DERA: variants seen among roughly 807,000 people sequenced by gnomAD.
DERA encodes the protein deoxyribose-phosphate aldolase, also known as 2-deoxy-D-ribose 5-phosphate aldolase.
A neutral mutation model predicts 41.1 loss-of-function variants in DERA; 15 were observed. The observed-to-expected ratio is 0.37, with a 90% CI of 0.24 to 0.56. The LOEUF (loss-of-function observed/expected upper bound fraction) is 0.56. DERA is among the 20% of genes least tolerant of loss of function. DERA has a pLI of 0.81. For missense variants in DERA, 396 were observed against 403.4 expected (o/e 0.98, Z 0.16); for synonymous variants, 139 against 137.4 (o/e 1.01, Z -0.08).
intron 5 of DERA, among the ~76,000 whole-genome samples, chr12:15,980,537 A>T (rs1017779382): frequency 6.6e-6 from 1 of 150,524 alleles, no homozygotes; most frequent in African/African-American, 2.4e-5. Flanking sequence ...AAAGAATATA[A>T]TTTTTTTTTT....
At position 16,037,184 on chromosome 12, in the gene DERA, A is replaced by AT. The variant is rs1949135017; in HGVS notation, c.*443dup. ...TTCCTGCTGTGAAAACTCATCTTTC[A>AT]TTTTTGCCGTGGATAGGCGCTTTTA... On this transcript the variant is annotated 3_prime_UTR_variant, in exon 9 of 9. Transcript: ENST00000428559. The surrounding 1 kb of genome is among the most constrained non-coding windows in gnomAD (Gnocchi z 6.7). 6.5e-6 allele frequency: 1 copy of AT among 153,256 alleles called. No individual in the cohort carries two copies. The highest frequency in any genetic ancestry group is 1.5e-5 in the Non-Finnish European group (1 of 68,880). The allele number at this position is 153,256 out of a possible 1,614,324, so 9.5% of individuals were successfully genotyped here.
chr12:16,030,130 CG>C (rs1565619329), intron 6 of DERA, among the ~76,000 whole-genome samples: 1 of 149,252 alleles, frequency 6.7e-6, no homozygotes, highest in Non-Finnish European at 1.5e-5. Flanking sequence ...GATGGAGTTT[CG>C]CTATGTTGGC....
rs552448445 is a variant in DERA at position 15,957,324 on chromosome 12, GT to G, written c.129+297del. Among the ~76,000 whole-genome samples the G allele has an allele frequency of 2.6e-5, 4 of 152,136 alleles. No homozygotes were observed. Among genetic ancestry groups the G allele is most frequent in the Non-Finnish European group, 5.9e-5 (4 of 68,006 alleles). On this transcript the variant is annotated intron_variant, in intron 2 of 8. Coordinates refer to ENST00000428559, the MANE Select transcript of DERA (RefSeq NM_015954.4). This position sits in a 1 kb window ranked among gnomAD's most constrained non-coding sequence, Gnocchi z 4.8. The stretch of plus-strand genomic sequence containing the variant: ...CATATTTTCTCAACACATTTATTCA[GT>G]TTTTTAGACATGCCTTCTTTGGTTG...
intron 6 of DERA, among the ~76,000 whole-genome samples, chr12:16,006,509 C>T (rs1311073990): frequency 2.0e-5 from 3 of 152,206 alleles, no homozygotes; most frequent in Non-Finnish European, 4.4e-5. Context: ...ACTCAACTAC[C>T]CTCTCTCCAC....
chr12:15,919,990 G>A (rs569840113), intron 1 of DERA, among the ~76,000 whole-genome samples: 1 of 151,716 alleles, frequency 6.6e-6, no homozygotes, highest in South Asian at 2.1e-4. Context: ...GTGTGTGTGT[G>A]TGTCTGTGTG....
At position 15,936,937 on chromosome 12, in the gene DERA, T is replaced by TCCC. The variant is rs1565588734; in HGVS notation, c.32-19999_32-19998insCCC. 0.024 allele frequency among the ~76,000 whole-genome samples: 3,104 copies of TCCC among 130,318 alleles called. 62 individuals carry two copies. The highest frequency in any genetic ancestry group is 0.035 in the Middle Eastern group (9 of 260). The allele number at this position is 130,318 out of a possible 152,430, so 85.5% of individuals were successfully genotyped here. A position where few individuals can be genotyped will look rare whatever the true frequency, so the allele number is the denominator to read the frequency against. ...TGTCCTGTCCTGTCCTGTCCTGTCTTGTCCTGTCCCGTCCTGTCCTGCCCT... is the reference window on the plus strand; with the variant it reads ...TGTCCTGTCCTGTCCTGTCCTGTCTTCCCGTCCTGTCCCGTCCTGTCCTGCCCT... On this transcript the variant is annotated intron_variant, in intron 1 of 8. Coordinates refer to ENST00000428559, the MANE Select transcript of DERA (RefSeq NM_015954.4). The surrounding 1 kb of genome is among the most constrained non-coding windows in gnomAD (Gnocchi z 4.6).
At chr12:15,961,132 G>A (rs1026985524) in intron 4 of DERA, among the ~76,000 whole-genome samples, 1 of 152,188 alleles carries the variant, frequency 6.6e-6, no homozygotes, top group African/African-American at 2.4e-5. Flanking sequence ...GTGAAATGGA[G>A]TTAGGGGAGA....
chr12:15,966,900 G>A lies in DERA; in HGVS notation c.508+3953G>A, dbSNP rs1239817510. On this transcript the variant is annotated intron_variant, in intron 5 of 8. Transcript: ENST00000428559. This position sits in a 1 kb window ranked among gnomAD's most constrained non-coding sequence, Gnocchi z 5.1. Reference sequence around the variant, plus strand: ...TGGCAAAGACAACCAAACCTCCTGAGCACCAGGACCACCTGGACCCGGGGC... The same window carrying A: ...TGGCAAAGACAACCAAACCTCCTGAACACCAGGACCACCTGGACCCGGGGC... 6.6e-6 allele frequency among the ~76,000 whole-genome samples: 1 copy of A among 152,022 alleles called. No homozygotes were observed. The highest frequency in any genetic ancestry group is 1.5e-5 in the Non-Finnish European group (1 of 68,012).
Position 15,962,813 on chromosome 12 carries a change from T to C in DERA, c.374T>C (p.Val125Ala). The stretch of plus-strand genomic sequence containing the variant: ...TCATTTCCTTTCTTAACTCTATTAG[T>C]GGCCGCTGGATTTCCAGCTGGACAG... ...AAGCNIPVAS[V>A]AAGFPAGQTH... Residue 125 changes from valine (V) to alanine (A), a missense_variant and splice_region_variant, in exon 5 of 9, where the codon GTG (valine) becomes GCG (alanine). Val to Ala is a moderately conservative substitution (Grantham distance 64, BLOSUM62 0). Coordinates refer to ENST00000428559, the MANE Select transcript of DERA (RefSeq NM_015954.4). The C allele has an allele frequency of 6.5e-7, 1 of 1,544,192 alleles. No homozygotes were observed. The highest frequency in any genetic ancestry group is 1.2e-5 in the South Asian group (1 of 82,396).
rs1948700035 is a variant in DERA, at chr12:15,976,729, T to G, written c.509-5579T>G. ...TGATTGATTACCTTCCTAACCGTTT[T>G]AATACTTTTATATTTATTGGCAGAA... On this transcript the variant is annotated intron_variant, in intron 5 of 8. Coordinates refer to ENST00000428559, the MANE Select transcript of DERA (RefSeq NM_015954.4). This position sits in a 1 kb window ranked among gnomAD's most constrained non-coding sequence, Gnocchi z 4.1. Among the ~76,000 whole-genome samples the G allele has an allele frequency of 6.6e-6, 1 of 152,226 alleles. No individual in the cohort carries two copies. Among genetic ancestry groups the G allele is most frequent in the Non-Finnish European group, 1.5e-5 (1 of 68,036 alleles).
chr12:15,958,404 C>G (rs1393001047), intron 3 of DERA, 69 bp downstream of exon 3: 1 of 1,275,572 alleles, frequency 7.8e-7, no homozygotes, highest in Non-Finnish European at 1.0e-6. Context: ...TCAAAGACGA[C>G]TTAAGATACA....
At chr12:16,031,123 A>G (rs1180379364) in intron 6 of DERA, among the ~76,000 whole-genome samples, 1 of 152,244 alleles carries the variant, frequency 6.6e-6, no homozygotes, top group African/African-American at 2.4e-5. Context: ...TGTCGTACAA[A>G]TGAGGAATGT....
In DERA at chr12:16,008,727, G is replaced by T. The variant is rs1031415243; in HGVS notation, c.638-23815G>T. Among the ~76,000 whole-genome samples, 1 of 152,158 alleles carries T rather than the reference G, an allele frequency of 6.6e-6. No individual in the cohort carries two copies. The highest frequency in any genetic ancestry group is 2.4e-5 in the African/African-American group (1 of 41,428). On this transcript the variant is annotated intron_variant, in intron 6 of 8. Transcript: ENST00000428559. This position sits in a 1 kb window ranked among gnomAD's most constrained non-coding sequence, Gnocchi z 4.8. ...CATCATTAGTGTCAGGATTGGGGCC[G>T]CTCTTGGCATTTCTCTCGTGGTTAC...
At chr12:15,934,523 A>C (rs1470308189) in intron 1 of DERA, among the ~76,000 whole-genome samples, 1 of 151,822 alleles carries the variant, frequency 6.6e-6, no homozygotes, top group Non-Finnish European at 1.5e-5. Flanking sequence ...GAGGAGGAGG[A>C]GGTTGCAGTG....
Position 15,981,221 on chromosome 12 carries a change from G to A in DERA, c.509-1087G>A, listed in dbSNP as rs191190452. Among the ~76,000 whole-genome samples the A allele has an allele frequency of 6.6e-6, 1 of 152,194 alleles. No homozygotes were observed. The highest frequency in any genetic ancestry group is 1.5e-5 in the Non-Finnish European group (1 of 68,008). ...AAGTTACCCAGGCGTGGTGGCAGGC[G>A]CCTGTAGTCCCAGCTACTCGGGAGG... On this transcript the variant is annotated intron_variant, in intron 5 of 8. Transcript: ENST00000428559. This position sits in a 1 kb window ranked among gnomAD's most constrained non-coding sequence, Gnocchi z 6.1.
intron 6 of DERA, among the ~76,000 whole-genome samples, chr12:16,002,233 C>G (rs1281078157): frequency 6.7e-6 from 1 of 148,592 alleles, no homozygotes; most frequent in East Asian, 2.1e-4. Context: ...AACATGTGAA[C>G]AGCAAGGTTA....
At chr12:15,958,467 A>G (rs937207132) in intron 3 of DERA, 132 bp downstream of exon 3, 33 of 549,454 alleles carry the variant, frequency 6.0e-5, no homozygotes, top group South Asian at 1.5e-4. Flanking sequence ...TGCTGTGTAT[A>G]CATAGACAGA....
chr12:15,964,700 AT>A (rs1948611319), intron 5 of DERA, among the ~76,000 whole-genome samples: 1 of 152,240 alleles, frequency 6.6e-6, no homozygotes, highest in African/African-American at 2.4e-5. Context: ...TATGTCCTTT[AT>A]ATCTTAAGCA....
chr12:15,911,673 C>A lies in DERA; in HGVS notation c.31+259C>A, dbSNP rs1948164908. 1.5e-6 allele frequency: 1 copy of A among 683,310 alleles called. No homozygotes were observed. 42.3% of individuals were successfully genotyped at this position (683,310 alleles called of 1,614,324 possible). ...AAAGGGTTAGATTATTATCTTCCTG[C>A]CTTTTCGTTCACTCTAGCTCGCTGG... On this transcript the variant is annotated intron_variant, in intron 1 of 8. Coordinates refer to ENST00000428559, the MANE Select transcript of DERA (RefSeq NM_015954.4). The surrounding 1 kb of genome is among the most constrained non-coding windows in gnomAD (Gnocchi z 4.5).
Sources: gnomAD v4.1 joint callset for allele counts (sites outside exome capture counted in the v4.1 genomes callset) on GRCh38, gnomAD v4.1.1 for gene constraint, Gnocchi (gnomAD v3.1) non-coding constraint, MANE v1.5 for transcripts, NCBI Gene and HGNC (gene_info 2026-07-23, HGNC 2026-07-21) for gene names.